The following UNC79 variants were observed in gnomAD, a reference collection of about 807,000 sequenced individuals.
UNC79 encodes protein unc-79 homolog.
Under a neutral mutation model 283.1 loss-of-function variants are expected in UNC79, and 37 were observed. That is an observed-to-expected ratio of 0.13 (90% CI 0.10 to 0.17). The LOEUF is 0.17. UNC79 is among the 10% of genes least tolerant of loss of function. UNC79 has a pLI of 1.00. For missense variants in UNC79, 2,272 were observed against 3,211.1 expected, an observed-to-expected ratio of 0.71 and a Z score of 7.07; for synonymous variants, 1,107 against 1,200.2, an observed-to-expected ratio of 0.92 and a Z score of 1.61.
intron 35 of UNC79, among the ~76,000 whole-genome samples, chr14:93,649,123 T>C (rs1322763420): frequency 6.6e-6 from 1 of 152,222 alleles, no homozygotes; most frequent in Non-Finnish European, 1.5e-5. Context: ...ATATGCCTTC[T>C]TGTGCCTCAG....
intron 1 of UNC79, among the ~76,000 whole-genome samples, chr14:93,352,061 G>A (rs976514838): frequency 6.6e-6 from 1 of 152,158 alleles, no homozygotes; most frequent in Non-Finnish European, 1.5e-5. Flanking sequence ...ATTATTTTTC[G>A]GAGTGAGAGA....
Position 93,457,666 on chromosome 14 carries a change from T to A in UNC79, c.23-10005T>A, listed in dbSNP as rs112808431. On this transcript the variant is annotated intron_variant, in intron 1 of 48. Transcript: ENST00000555664. ...GATATGCTAAGTTAATTGTTTGGAT[T>A]TCAATCAGCAGAAAATGAGGAAGAT... 1.2e-4 allele frequency among the ~76,000 whole-genome samples: 19 copies of A among 152,334 alleles called. 1 individual carries two copies. The highest frequency in any genetic ancestry group is 3.8e-4 in the African/African-American group (16 of 41,564).
intron 37 of UNC79, 113 bp downstream of exon 40, chr14:93,654,138 A>G (rs1358523766): frequency 1.1e-5 from 7 of 652,608 alleles, no homozygotes; most frequent in Non-Finnish European, 1.4e-5. Context: ...GAAGGATTGC[A>G]ATGTTATTTA....
chr14:93,561,288 C>A lies in UNC79; in HGVS notation c.1756-10606C>A, dbSNP rs2062532974. Among the ~76,000 whole-genome samples, 3 of 151,892 alleles carry A rather than the reference C, an allele frequency of 2.0e-5. No homozygotes were observed. In the South Asian group the frequency reaches 6.2e-4, roughly 32 times the overall value. ...AAAGTAGTTTTTGTTGTGAGGGGTC[C>A]AAATATGGGGGGAGTAGAGTTGATA... is the stretch of plus-strand genomic sequence containing the variant. On this transcript the variant is annotated intron_variant, in intron 14 of 48. Coordinates refer to ENST00000555664, the Ensembl canonical transcript of UNC79.
intron 14 of UNC79, among the ~76,000 whole-genome samples, chr14:93,543,193 T>C (rs2061450241): frequency 1.4e-5 from 2 of 143,458 alleles, no homozygotes; most frequent in Non-Finnish European, 3.0e-5. Flanking sequence ...TTTTTCTTTT[T>C]TTAATCATGT....
intron 1 of UNC79, chr14:93,347,513 C>T: frequency 8.2e-7 from 1 of 1,217,408 alleles, no homozygotes; most frequent in Non-Finnish European, 1.1e-6. Context: ...GCTCTTGTGG[C>T]TTGGTCGCCG....
chr14:93,487,588 C>A, intron 4 of UNC79, 75 bp from the exon 5 acceptor site: 1 of 1,140,504 alleles, frequency 8.8e-7, no homozygotes, highest in Non-Finnish European at 1.2e-6. Flanking sequence ...TCCTTCTTAT[C>A]TCTCATGCTC....
At chr14:93,616,155 A>C (rs1020303662) in intron 27 of UNC79, among the ~76,000 whole-genome samples, 1 of 152,104 alleles carries the variant, frequency 6.6e-6, no homozygotes, top group Non-Finnish European at 1.5e-5. Flanking sequence ...TATAGTGGCT[A>C]CATAGTTTTC....
intron 38 of UNC79, among the ~76,000 whole-genome samples, chr14:93,658,207 A>G (rs1420568418): frequency 1.3e-5 from 2 of 152,212 alleles, no homozygotes; most frequent in Admixed American, 1.3e-4. Flanking sequence ...GGGGAAAATA[A>G]TAAGCCACTG....
intron 41 of UNC79, among the ~76,000 whole-genome samples, chr14:93,681,235 C>G (rs1490888747): frequency 6.6e-6 from 1 of 152,188 alleles, no homozygotes; most frequent in Admixed American, 6.5e-5. Context: ...CTCTTGGGGA[C>G]AGCTCTGCTT....
At chr14:93,535,813 T>C (rs1239430213) in intron 11 of UNC79, among the ~76,000 whole-genome samples, 1 of 152,172 alleles carries the variant, frequency 6.6e-6, no homozygotes, top group Non-Finnish European at 1.5e-5. Flanking sequence ...AAGTGGAAGC[T>C]GCGTGTCCTT....
At position 93,673,475 on chromosome 14, in the gene UNC79, G is replaced by A. The variant is rs775166948; in HGVS notation, c.6741+20G>A. The stretch of plus-strand genomic sequence containing the variant: ...GTTCAGGTAAGCTCATGCTTGATTT[G>A]TAAAACTTTTCATGAGATCCATGTA... On this transcript the variant is annotated intron_variant, in intron 41 of 48. Coordinates refer to ENST00000555664, the Ensembl canonical transcript of UNC79. The A allele has an allele frequency of 1.2e-6, 2 of 1,604,828 alleles. No individual in the cohort carries two copies. The highest frequency in any genetic ancestry group is 1.7e-4 in the Middle Eastern group (1 of 6,032).
chr14:93,395,867 G>T (rs1283902927), intron 1 of UNC79, among the ~76,000 whole-genome samples: 2 of 151,854 alleles, frequency 1.3e-5, no homozygotes, highest in African/African-American at 4.8e-5. Flanking sequence ...GAATATCTAG[G>T]CATGGATATC....
intron 1 of UNC79, among the ~76,000 whole-genome samples, chr14:93,371,128 C>T (rs113893681): frequency 2.0e-5 from 3 of 151,978 alleles, no homozygotes; most frequent in Non-Finnish European, 4.4e-5. Context: ...CACCCCTGTA[C>T]CCTGTAATCC....
intron 41 of UNC79, among the ~76,000 whole-genome samples, chr14:93,675,930 C>A (rs554316925): frequency 6.4e-4 from 98 of 152,314 alleles, no homozygotes; most frequent in Admixed American, 1.2e-3. Context: ...AATATCTGTG[C>A]TCCTAAAGAG....
intron 40 of UNC79, among the ~76,000 whole-genome samples, chr14:93,669,096 A>G (rs2072554481): frequency 6.6e-6 from 1 of 151,946 alleles, no homozygotes; most frequent in African/African-American, 2.4e-5. Context: ...ATGTTCATGG[A>G]TGAAGACCCA....
rs547723009 is a variant in UNC79, at chr14:93,676,503, G to A, written c.6741+3048G>A. On this transcript the variant is annotated intron_variant, in intron 41 of 48. Coordinates refer to ENST00000555664, the Ensembl canonical transcript of UNC79. ...GAGGTCACTTGCTTCTGAGAGTGTTGCAGTTGGAGATGTGCCACCTGAAAA... is the reference window on the plus strand; with the variant it reads ...GAGGTCACTTGCTTCTGAGAGTGTTACAGTTGGAGATGTGCCACCTGAAAA... 5.9e-5 allele frequency among the ~76,000 whole-genome samples: 9 copies of A among 152,312 alleles called. No individual in the cohort carries two copies. In the East Asian group the frequency reaches 1.5e-3, roughly 26 times the overall value.
chr14:93,425,029 C>A (rs2055693428), intron 1 of UNC79, among the ~76,000 whole-genome samples: 2 of 152,096 alleles, frequency 1.3e-5, no homozygotes, highest in African/African-American at 4.8e-5. Context: ...TAAAAAAATT[C>A]ACATGGCAGG....
chr14:93,450,033 C>G (rs10147385), intron 1 of UNC79, among the ~76,000 whole-genome samples: 95,531 of 151,986 alleles, frequency 0.63, 30,722 homozygotes, highest in Middle Eastern at 0.77. Flanking sequence ...ATTCAACTTC[C>G]TTGAGAGCTC....
Sources: allele counts gnomAD v4.1 joint callset (sites outside exome capture counted in the v4.1 genomes callset), GRCh38; gene constraint gnomAD v4.1.1; transcripts MANE v1.5; gene names NCBI Gene and HGNC (gene_info 2026-07-23, HGNC 2026-07-21).